Variants in THSD7B observed in about 807,000 individuals in gnomAD.
THSD7B encodes thrombospondin type 1 domain containing 7B.
In THSD7B, 138 loss-of-function variants were observed where a neutral mutation model predicts 213.6. The observed-to-expected ratio is 0.65, with a 90% CI of 0.56 to 0.74. The LOEUF (loss-of-function observed/expected upper bound fraction) is 0.74. Among genes scored for constraint, THSD7B ranks in the 30% least tolerant of loss-of-function variants. THSD7B has a pLI of 0.00. For missense variants in THSD7B, 1,931 were observed against 1,991.5 expected (o/e 0.97, Z 0.58); for synonymous variants, 742 against 687.0 (o/e 1.08, Z -1.25).
At chr2:137,039,262 CT>C (rs1412349030) in intron 2 of THSD7B, among the ~76,000 whole-genome samples, 1 of 152,118 alleles carries the variant, frequency 6.6e-6, no homozygotes, top group East Asian at 1.9e-4. Context: ...GGTAATGTGG[CT>C]TCTCTGTAGA....
At chr2:137,397,338 G>A (rs1285147532) in intron 12 of THSD7B, among the ~76,000 whole-genome samples, 1 of 151,978 alleles carries the variant, frequency 6.6e-6, no homozygotes, top group African/African-American at 2.4e-5. Context: ...CTTCCTTCAG[G>A]AGCTCTTTTA....
chr2:137,429,277 G>C (rs1687123588), intron 14 of THSD7B, among the ~76,000 whole-genome samples: 1 of 151,992 alleles, frequency 6.6e-6, no homozygotes, highest in Admixed American at 6.6e-5. Context: ...AAAACATTGT[G>C]CTTTACATTT....
intron 2 of THSD7B, among the ~76,000 whole-genome samples, chr2:137,026,100 C>T (rs1177012080): frequency 6.6e-6 from 1 of 152,152 alleles, no homozygotes; most frequent in Non-Finnish European, 1.5e-5. Flanking sequence ...TATCCTCCTT[C>T]TAGCGCTAAT....
intron 15 of THSD7B, among the ~76,000 whole-genome samples, chr2:137,540,108 GCTCTTGTTGCCA>G (rs1388961985): frequency 6.6e-6 from 1 of 151,586 alleles, no homozygotes; most frequent in Non-Finnish European, 1.5e-5. Context: ...CAGATAATGA[GCTCTTGTTGCCA>G]CTACTCAACT....
intron 18 of THSD7B, among the ~76,000 whole-genome samples, chr2:137,617,750 T>A (rs1416224948): frequency 6.6e-6 from 1 of 152,242 alleles, no homozygotes; most frequent in Non-Finnish European, 1.5e-5. Context: ...AGGCTGGAAG[T>A]CCAAAATCAA....
At chr2:137,208,484 C>T (rs1281548614) in intron 7 of THSD7B, among the ~76,000 whole-genome samples, 1 of 152,056 alleles carries the variant, frequency 6.6e-6, no homozygotes, top group Admixed American at 6.6e-5. Flanking sequence ...CTACGCAAAA[C>T]CCTGGGTGGG....
intron 1 of THSD7B, among the ~76,000 whole-genome samples, chr2:136,844,853 G>A (rs1682983065): frequency 1.3e-5 from 2 of 152,200 alleles, no homozygotes; most frequent in Admixed American, 6.5e-5. Flanking sequence ...GTGCAAGGTG[G>A]TATAGCTCTT....
chr2:136,836,002 G>A (rs1437805212), intron 1 of THSD7B, among the ~76,000 whole-genome samples: 1 of 152,160 alleles, frequency 6.6e-6, no homozygotes, highest in Non-Finnish European at 1.5e-5. Flanking sequence ...CTTTGTTTCC[G>A]AAAACAGCAG....
At chr2:137,177,881 G>A (rs542134169) in intron 7 of THSD7B, among the ~76,000 whole-genome samples, 45 of 152,092 alleles carry the variant, frequency 3.0e-4, no homozygotes, top group African/African-American at 1.1e-3. Context: ...GACCATCCTG[G>A]ACAATATGGT....
chr2:137,135,986 G>A (rs1897416), intron 5 of THSD7B, among the ~76,000 whole-genome samples: 101,330 of 151,916 alleles, frequency 0.67, 35,725 homozygotes, highest in Non-Finnish European at 0.77. Flanking sequence ...AAAAGGATGC[G>A]TGCATGTCCT....
At chr2:137,581,433 C>T (rs942983434) in intron 17 of THSD7B, among the ~76,000 whole-genome samples, 4 of 152,040 alleles carry the variant, frequency 2.6e-5, no homozygotes, top group African/African-American at 9.6e-5. Flanking sequence ...ACTAAAAATG[C>T]AAAAATTAGC....
At chr2:137,283,829 A>G (rs1683099203) in intron 12 of THSD7B, among the ~76,000 whole-genome samples, 1 of 152,228 alleles carries the variant, frequency 6.6e-6, no homozygotes, top group East Asian at 1.9e-4. Context: ...TTTTGCATCA[A>G]TGTTCATCAA....
chr2:137,588,534 T>A (rs2104810698), intron 17 of THSD7B, among the ~76,000 whole-genome samples: 1 of 151,974 alleles, frequency 6.6e-6, no homozygotes, highest in East Asian at 1.9e-4. Context: ...GTCTTTTGAA[T>A]GCTTCTGATT....
chr2:137,536,157 C>T (rs1027614101), intron 15 of THSD7B, among the ~76,000 whole-genome samples: 4 of 150,150 alleles, frequency 2.7e-5, no homozygotes, highest in African/African-American at 9.7e-5. Context: ...GGGGGCCCTG[C>T]CGTGTTTTGA....
rs185658638 is a variant in THSD7B at position 137,366,248 on chromosome 2, G to A, written c.2501-39365G>A. 2.5e-3 allele frequency among the ~76,000 whole-genome samples: 375 copies of A among 152,186 alleles called. 1 individual carries two copies. Among genetic ancestry groups the A allele is most frequent in the African/African-American group, 8.8e-3 (366 of 41,526 alleles). On this transcript the variant is annotated intron_variant, in intron 12 of 27. Transcript: ENST00000409968. ...ACACACTGGAGCCTGTCATGGGGTG[G>A]GGGGATGAGGATGGGATAGCATTGG... is the stretch of plus-strand genomic sequence containing the variant.
At chr2:137,496,712 T>G (rs1679577440) in intron 15 of THSD7B, among the ~76,000 whole-genome samples, 1 of 152,210 alleles carries the variant, frequency 6.6e-6, no homozygotes, top group South Asian at 2.1e-4. Flanking sequence ...GATTCTAAAG[T>G]GATCATTATG....
At chr2:137,152,332 A>G (rs189539004) in intron 5 of THSD7B, among the ~76,000 whole-genome samples, 1 of 152,270 alleles carries the variant, frequency 6.6e-6, no homozygotes, top group Admixed American at 6.5e-5. Context: ...TTGGAAGCAG[A>G]CAAAATAGTC....
At chr2:136,975,917 T>C (rs1685472739) in intron 2 of THSD7B, among the ~76,000 whole-genome samples, 1 of 152,174 alleles carries the variant, frequency 6.6e-6, no homozygotes, top group African/African-American at 2.4e-5. Flanking sequence ...TTGTTAGCTG[T>C]ATTCCTACAT....
intron 17 of THSD7B, among the ~76,000 whole-genome samples, chr2:137,611,421 G>A (rs1657267899): frequency 6.6e-6 from 1 of 152,048 alleles, no homozygotes; most frequent in African/African-American, 2.4e-5. Context: ...GATAGGGTTG[G>A]AATCTTGGCT....
Sources: allele counts gnomAD v4.1 joint callset (sites outside exome capture counted in the v4.1 genomes callset), GRCh38; gene constraint gnomAD v4.1.1; transcripts MANE v1.5; gene names NCBI Gene and HGNC (gene_info 2026-07-23, HGNC 2026-07-21).